Variants in RIT2 observed in about 807,000 individuals in gnomAD.
RIT2 encodes the protein Ras like without CAAX 2.
RIT2 carries 24 observed loss-of-function variants against 23.7 expected under a neutral mutation model. The ratio of observed to expected loss-of-function variants is 1.01; its 90% CI spans 0.73 to 1.43. RIT2 has a LOEUF of 1.43. RIT2 is among the 40% of genes most tolerant of loss of function. The probability of loss-of-function intolerance (pLI) is 0.00; values close to 1 mark genes in which losing one functional copy is unlikely to be tolerated. For missense variants in RIT2, 236 were observed against 266.9 expected, an observed-to-expected ratio of 0.88 and a Z score of 0.81; for synonymous variants, 107 against 91.1, an observed-to-expected ratio of 1.17 and a Z score of -0.99.
intron 1 of RIT2, among the ~76,000 whole-genome samples, chr18:43,112,534 G>C (rs1005145023): frequency 5.9e-5 from 9 of 152,080 alleles, no homozygotes; most frequent in African/African-American, 2.2e-4. Context: ...AAATCTTGTG[G>C]GAATTCCTAT....
chr18:43,036,412 T>C (rs1911977121), intron 1 of RIT2, among the ~76,000 whole-genome samples: 1 of 152,006 alleles, frequency 6.6e-6, no homozygotes, highest in Admixed American at 6.5e-5. Flanking sequence ...TGGTGGCGCA[T>C]GCTTGTTATC....
At chr18:42,767,558 G>A (rs933938615) in intron 4 of RIT2, among the ~76,000 whole-genome samples, 8 of 152,080 alleles carry the variant, frequency 5.3e-5, no homozygotes, top group Admixed American at 2.0e-4. Context: ...ATGAGACTTC[G>A]GATAGTGGAC....
At chr18:43,074,590 T>G (rs1168390731) in intron 1 of RIT2, among the ~76,000 whole-genome samples, 1 of 152,160 alleles carries the variant, frequency 6.6e-6, no homozygotes, top group Non-Finnish European at 1.5e-5. Context: ...TTAAGATACA[T>G]GTACATATAT....
chr18:42,932,368 T>G (rs1434315028), intron 3 of RIT2, among the ~76,000 whole-genome samples: 1 of 152,170 alleles, frequency 6.6e-6, no homozygotes, highest in Non-Finnish European at 1.5e-5. Flanking sequence ...ATTACTCTTC[T>G]TTAAGTACTG....
At chr18:42,976,462 T>G (rs1452598263) in intron 2 of RIT2, among the ~76,000 whole-genome samples, 1 of 152,100 alleles carries the variant, frequency 6.6e-6, no homozygotes, top group Non-Finnish European at 1.5e-5. Context: ...GAAGTCAGAC[T>G]GCCTGGGTGT....
intron 1 of RIT2, among the ~76,000 whole-genome samples, chr18:43,085,188 T>C (rs1363572220): frequency 1.3e-5 from 2 of 151,910 alleles, no homozygotes; most frequent in African/African-American, 4.8e-5. Context: ...AAAAGAAAAA[T>C]AAAAGTATTT....
At chr18:43,112,641 T>C (rs759526134) in intron 1 of RIT2, among the ~76,000 whole-genome samples, 1 of 152,192 alleles carries the variant, frequency 6.6e-6, no homozygotes, top group South Asian at 2.1e-4. Flanking sequence ...CAATGGCTCA[T>C]GCCTATAATC....
intron 1 of RIT2, among the ~76,000 whole-genome samples, chr18:43,071,317 C>G (rs922871996): frequency 7.2e-5 from 11 of 152,144 alleles, no homozygotes; most frequent in African/African-American, 2.7e-4. Context: ...CAACTCTAAG[C>G]TGTATATATC....
intron 4 of RIT2, among the ~76,000 whole-genome samples, chr18:42,919,525 C>G (rs1410506111): frequency 6.6e-6 from 1 of 151,942 alleles, no homozygotes; most frequent in African/African-American, 2.4e-5. Flanking sequence ...ACCAGCCTGG[C>G]CAACATAGTG....
intron 4 of RIT2, among the ~76,000 whole-genome samples, chr18:42,837,612 G>T (rs981563486): frequency 1.3e-5 from 2 of 152,116 alleles, no homozygotes; most frequent in African/African-American, 4.8e-5. Context: ...AAAGAATTTA[G>T]CCAAAGCTTT....
chr18:42,958,849 T>A (rs1473514341), intron 3 of RIT2, among the ~76,000 whole-genome samples: 1 of 152,190 alleles, frequency 6.6e-6, no homozygotes, highest in Non-Finnish European at 1.5e-5. Context: ...GTTCTTTCTC[T>A]ATGCTATTCC....
intron 4 of RIT2, among the ~76,000 whole-genome samples, chr18:42,797,106 C>T (rs1905387990): frequency 6.6e-6 from 1 of 151,866 alleles, no homozygotes; most frequent in Non-Finnish European, 1.5e-5. Context: ...ATCTATACAC[C>T]AGGCCCTCAG....
At chr18:43,087,260 T>TA (rs1176370569) in intron 1 of RIT2, among the ~76,000 whole-genome samples, 1 of 151,294 alleles carries the variant, frequency 6.6e-6, no homozygotes, top group Non-Finnish European at 1.5e-5. Flanking sequence ...TAAAATAAAA[T>TA]AAAAAAGTAA....
At chr18:42,979,316 A>G (rs1457468535) in intron 2 of RIT2, among the ~76,000 whole-genome samples, 2 of 150,768 alleles carry the variant, frequency 1.3e-5, no homozygotes, top group African/African-American at 4.8e-5. Flanking sequence ...AGAAAAAAAT[A>G]TCAGAAATTT....
intron 4 of RIT2, among the ~76,000 whole-genome samples, chr18:42,866,297 T>C (rs1907467840): frequency 6.6e-6 from 1 of 152,166 alleles, no homozygotes; most frequent in Non-Finnish European, 1.5e-5. Flanking sequence ...TGTACATTTA[T>C]CCCAAGAAAC....
intron 4 of RIT2, among the ~76,000 whole-genome samples, chr18:42,758,728 T>C (rs751096807): frequency 2.4e-4 from 37 of 151,240 alleles, no homozygotes; most frequent in Non-Finnish European, 4.3e-4. Flanking sequence ...TTTCACCATG[T>C]TGGCTAGGCT....
intron 4 of RIT2, among the ~76,000 whole-genome samples, chr18:42,790,421 G>A (rs1914016227): frequency 6.6e-6 from 1 of 152,130 alleles, no homozygotes; most frequent in Non-Finnish European, 1.5e-5. Flanking sequence ...CTACTTACAC[G>A]AAAATACCTT....
At chr18:42,825,949 C>T (rs191282900) in intron 4 of RIT2, among the ~76,000 whole-genome samples, 1 of 151,882 alleles carries the variant, frequency 6.6e-6, no homozygotes, top group Non-Finnish European at 1.5e-5. Context: ...TAATTTTCAT[C>T]TGGTGGAATT....
chr18:42,964,592 C>A (rs368178668), intron 3 of RIT2, among the ~76,000 whole-genome samples: 1 of 152,112 alleles, frequency 6.6e-6, no homozygotes, highest in South Asian at 2.1e-4. Context: ...CTGAGCCAGA[C>A]GAAGGCATGA....
Sources: gnomAD v4.1 joint callset for allele counts (sites outside exome capture counted in the v4.1 genomes callset) on GRCh38, gnomAD v4.1.1 for gene constraint, MANE v1.5 for transcripts, NCBI Gene and HGNC (gene_info 2026-07-23, HGNC 2026-07-21) for gene names.